The following PTAFR variants were observed in gnomAD, a reference collection of about 807,000 sequenced individuals.
The protein encoded by PTAFR is platelet activating factor receptor.
Under a neutral mutation model 14.7 loss-of-function variants are expected in PTAFR, and 8 were observed. The ratio of observed to expected loss-of-function variants is 0.54; its 90% CI spans 0.32 to 0.98. The LOEUF (loss-of-function observed/expected upper bound fraction) is 0.98. PTAFR is among the 50% of genes least tolerant of loss of function. The probability of loss-of-function intolerance (pLI) is 0.04; values close to 1 mark genes in which losing one functional copy is unlikely to be tolerated. For synonymous variants in PTAFR, 156 were observed against 176.5 expected (o/e 0.88, Z 0.92); for missense variants, 337 against 451.2 (o/e 0.75, Z 2.29).
chr1:28,179,966 A>G (rs1169310497), upstream of PTAFR, among the ~76,000 whole-genome samples: 4 of 152,284 alleles, frequency 2.6e-5, no homozygotes, highest in East Asian at 5.8e-4. Flanking sequence ...AGAACATTCT[A>G]CTGGACAATG....
chr1:28,147,908 C>T lies in PTAFR; in HGVS notation c.*2085G>A, dbSNP rs1258182671. ...TGACACAGCCAAGACTTGAACCAGG[C>T]TTGTGTGATGCTGCACTAGCCACCG... is the stretch of plus-strand genomic sequence containing the variant. On this transcript the variant is annotated 3_prime_UTR_variant, in exon 2 of 2. Transcript: ENST00000373857. 1.3e-5 allele frequency: 2 copies of T among 152,344 alleles called. No individual in the cohort carries two copies. The highest frequency in any genetic ancestry group is 4.8e-5 in the African/African-American group (2 of 41,448). The allele number at this position is 152,344 out of a possible 1,614,324, so 9.4% of individuals were successfully genotyped here.
intron 1 of PTAFR, among the ~76,000 whole-genome samples, chr1:28,152,053 C>T (rs1234407778): frequency 6.6e-6 from 1 of 151,884 alleles, no homozygotes; most frequent in African/African-American, 2.4e-5. Context: ...TGTGACACCA[C>T]ACCTAGCTAA....
At chr1:28,193,027 C>G (rs936494111) in intron 1 of PTAFR, among the ~76,000 whole-genome samples, 2 of 152,184 alleles carry the variant, frequency 1.3e-5, no homozygotes, top group Non-Finnish European at 2.9e-5. Flanking sequence ...CCTTCTTGCT[C>G]CACTGTGTGG....
chr1:28,183,547 G>A (rs905718870), intron 1 of PTAFR, among the ~76,000 whole-genome samples: 5 of 152,262 alleles, frequency 3.3e-5, no homozygotes, highest in East Asian at 1.9e-4. Context: ...AGGATCACTC[G>A]AGCCCAGCAG....
intron 1 of PTAFR, among the ~76,000 whole-genome samples, chr1:28,173,298 A>G (rs1234037056): frequency 8.8e-4 from 28 of 31,672 alleles, no homozygotes; most frequent in East Asian, 1.7e-3. Context: ...TTAAAAAAAA[A>G]GGGGGGGGGG....
chr1:28,184,531 C>T (rs1025138461), intron 1 of PTAFR, among the ~76,000 whole-genome samples: 1 of 152,214 alleles, frequency 6.6e-6, no homozygotes, highest in Non-Finnish European at 1.5e-5. Context: ...CCTCAAGACC[C>T]TGTAAGACCT....
chr1:28,176,548 A>G (rs1276028992), intron 1 of PTAFR, 44 bp downstream of exon 1: 1 of 152,472 alleles, frequency 6.6e-6, no homozygotes, highest in Non-Finnish European at 1.5e-5. Flanking sequence ...GGACATTTTT[A>G]TATGCCTCCC....
intron 1 of PTAFR, among the ~76,000 whole-genome samples, chr1:28,159,442 CTCATGTGATCAGA>C (rs1163413987): frequency 6.6e-6 from 1 of 152,160 alleles, no homozygotes; most frequent in African/African-American, 2.4e-5. Flanking sequence ...GGAAATCAAT[CTCATGTGATCAGA>C]TCATGTGATC....
At chr1:28,182,016 C>T (rs1483260716) in intron 1 of PTAFR, among the ~76,000 whole-genome samples, 1 of 151,560 alleles carries the variant, frequency 6.6e-6, no homozygotes, top group Admixed American at 6.6e-5. Context: ...CTTCTCGGAT[C>T]CTGATTCAAA....
At chr1:28,159,992 T>C (rs961838845) in intron 1 of PTAFR, among the ~76,000 whole-genome samples, 3 of 152,032 alleles carry the variant, frequency 2.0e-5, no homozygotes, top group African/African-American at 7.2e-5. Context: ...GCGGAACAAT[T>C]GCTTGAGCTC....
chr1:28,177,647 C>A (rs1407005032), upstream of PTAFR, among the ~76,000 whole-genome samples: 1 of 152,150 alleles, frequency 6.6e-6, no homozygotes, highest in Non-Finnish European at 1.5e-5. Context: ...TGGTTGATTG[C>A]TTCCTTGTGA....
upstream of PTAFR, among the ~76,000 whole-genome samples, chr1:28,179,188 A>G (rs1646542874): frequency 6.6e-6 from 1 of 152,034 alleles, no homozygotes; most frequent in South Asian, 2.1e-4. Context: ...GTTCCAAAAC[A>G]GTTTCACCTC....
intron 1 of PTAFR, among the ~76,000 whole-genome samples, chr1:28,171,049 G>T (rs1646447876): frequency 6.6e-6 from 1 of 151,664 alleles, no homozygotes; most frequent in African/African-American, 2.4e-5. Context: ...TAGGCTGGGT[G>T]GGGTGGCTCA....
chr1:28,185,496 TG>T (rs1646598701), intron 1 of PTAFR, among the ~76,000 whole-genome samples: 2 of 152,284 alleles, frequency 1.3e-5, no homozygotes, highest in Non-Finnish European at 2.9e-5. Flanking sequence ...TGGAGGATAA[TG>T]GGGGTGAAAG....
intron 1 of PTAFR, among the ~76,000 whole-genome samples, chr1:28,192,497 G>A (rs564860776): frequency 1.4e-5 from 2 of 147,036 alleles, no homozygotes; most frequent in Non-Finnish European, 3.0e-5. Context: ...GGTGGAGGTC[G>A]CAGTGAGCCA....
chr1:28,174,923 G>C (rs1458898789), intron 1 of PTAFR, among the ~76,000 whole-genome samples: 2 of 152,120 alleles, frequency 1.3e-5, no homozygotes, highest in African/African-American at 4.8e-5. Context: ...TGGTTTGTTT[G>C]TTTTGTTTTG....
chr1:28,154,545 C>T (rs1460392326), intron 1 of PTAFR, among the ~76,000 whole-genome samples: 2 of 152,116 alleles, frequency 1.3e-5, no homozygotes, highest in Non-Finnish European at 2.9e-5. Context: ...GCCGTGGTGG[C>T]TCACGCCTGT....
At chr1:28,179,563 C>T (rs1222653624), upstream of PTAFR, among the ~76,000 whole-genome samples, 20 of 152,176 alleles carry the variant, frequency 1.3e-4, no homozygotes. Context: ...CGCCTGTAAT[C>T]CCAGCACTTT....
rs1646148591 is a variant in PTAFR, at chr1:28,149,181, G to T, written c.*812C>A. Reference sequence around the variant, plus strand: ...CATCAAGCCCCTTCCCCTGAGAAAGGTCACAAAGACCTTGTGCCGGAGGGT... The same window carrying T: ...CATCAAGCCCCTTCCCCTGAGAAAGTTCACAAAGACCTTGTGCCGGAGGGT... On this transcript the variant is annotated 3_prime_UTR_variant, in exon 2 of 2. Transcript: ENST00000373857. 1 of 152,306 alleles carries T rather than the reference G, an allele frequency of 6.6e-6. No individual in the cohort carries two copies. The highest frequency in any genetic ancestry group is 2.1e-4 in the South Asian group (1 of 4,830). 9.4% of individuals were successfully genotyped at this position (152,306 alleles called of 1,614,324 possible).
Sources: allele counts gnomAD v4.1 joint callset (sites outside exome capture counted in the v4.1 genomes callset), GRCh38; gene constraint gnomAD v4.1.1; transcripts MANE v1.5; gene names NCBI Gene and HGNC (gene_info 2026-07-23, HGNC 2026-07-21).